Variants in SOX6 observed in about 807,000 individuals in gnomAD.
SOX6 encodes the protein SRY-box transcription factor 6.
In SOX6, 11 loss-of-function variants were observed where a neutral mutation model predicts 97.8. The ratio of observed to expected loss-of-function variants is 0.11; its 90% CI spans 0.07 to 0.19. The LOEUF is 0.19. Ranked by LOEUF, SOX6 falls within the 10% of genes least tolerant of loss-of-function variation. SOX6 has a pLI of 1.00. For synonymous variants in SOX6, 360 were observed against 371.4 expected (o/e 0.97, Z 0.35); for missense variants, 810 against 1,039.5 (o/e 0.78, Z 3.04).
intron 13 of SOX6, among the ~76,000 whole-genome samples, chr11:16,014,143 C>T (rs1011932669): frequency 6.6e-6 from 1 of 152,022 alleles, no homozygotes; most frequent in Non-Finnish European, 1.5e-5. Flanking sequence ...AACCAGGCAA[C>T]ATTACTACTG....
intron 6 of SOX6, among the ~76,000 whole-genome samples, chr11:16,112,486 T>C (rs777428406): frequency 1.3e-5 from 2 of 152,200 alleles, no homozygotes; most frequent in Non-Finnish European, 2.9e-5. Flanking sequence ...AAAGTAATAC[T>C]CTTTGCCATA....
chr11:16,123,469 G>A (rs959472847), intron 6 of SOX6, among the ~76,000 whole-genome samples: 1 of 151,986 alleles, frequency 6.6e-6, no homozygotes, highest in Non-Finnish European at 1.5e-5. Context: ...TGATTGGGGG[G>A]CAGGGAGATA....
intron 3 of SOX6, among the ~76,000 whole-genome samples, chr11:16,669,761 G>A (rs1315972074): frequency 6.6e-6 from 1 of 152,112 alleles, no homozygotes; most frequent in Non-Finnish European, 1.5e-5. Flanking sequence ...TGTTCTCCAT[G>A]CAGATCCCAG....
chr11:16,247,263 ATATT>A (rs1356849820), intron 3 of SOX6, among the ~76,000 whole-genome samples: 4 of 152,166 alleles, frequency 2.6e-5, no homozygotes, highest in Non-Finnish European at 4.4e-5. Context: ...TCGCTGAATA[ATATT>A]TATTGTGTAT....
intron 3 of SOX6, among the ~76,000 whole-genome samples, chr11:16,298,712 TA>T (rs1460719746): frequency 3.3e-5 from 5 of 152,274 alleles, no homozygotes; most frequent in African/African-American, 1.2e-4. Flanking sequence ...TAGTTTTACT[TA>T]TTTTTTTTTA....
At chr11:15,987,209 C>T (rs149076280) in intron 14 of SOX6, among the ~76,000 whole-genome samples, 46 of 152,154 alleles carry the variant, frequency 3.0e-4, no homozygotes, top group East Asian at 2.1e-3. Flanking sequence ...GTGAATAAAG[C>T]GGTAACAGCT....
intron 3 of SOX6, among the ~76,000 whole-genome samples, chr11:16,256,873 C>G (rs1362220079): frequency 6.6e-6 from 1 of 151,628 alleles, no homozygotes; most frequent in Non-Finnish European, 1.5e-5. Flanking sequence ...TTGCAAAATA[C>G]AAGGCTAATA....
At chr11:16,351,749 C>T (rs1856954315) in intron 1 of SOX6, among the ~76,000 whole-genome samples, 1 of 152,186 alleles carries the variant, frequency 6.6e-6, no homozygotes, top group East Asian at 1.9e-4. Context: ...CGATCTACCC[C>T]TCTTCTAAAC....
At position 16,536,503 on chromosome 11, in the gene SOX6, G is replaced by A. The variant is rs146463400; in HGVS notation, n.610-60115C>T. 3.1e-3 allele frequency among the ~76,000 whole-genome samples: 478 copies of A among 152,262 alleles called. 4 individuals carry two copies. Among genetic ancestry groups the A allele is most frequent in the African/African-American group, 0.011 (449 of 41,546 alleles). On this transcript the variant is annotated intron_variant and non_coding_transcript_variant, in intron 4 of 5. Transcript: ENST00000524520. The stretch of plus-strand genomic sequence containing the variant: ...GTGAGCTGAAGAAGGGCGGGGCATC[G>A]CCTCACCTGGGAAGCACAAGGGGTC...
chr11:16,297,460 G>A (rs1470572308), intron 3 of SOX6, among the ~76,000 whole-genome samples: 1 of 152,126 alleles, frequency 6.6e-6, no homozygotes, highest in Non-Finnish European at 1.5e-5. Flanking sequence ...ATGTCAAACT[G>A]GCAAAGTGCC....
chr11:16,549,488 G>A (rs1847658188), intron 4 of SOX6, among the ~76,000 whole-genome samples: 1 of 152,250 alleles, frequency 6.6e-6, no homozygotes, highest in Non-Finnish European at 1.5e-5. Context: ...TAGCACAATA[G>A]AGCCCATGCT....
At chr11:16,667,565 T>A (rs1445708202) in intron 3 of SOX6, among the ~76,000 whole-genome samples, 1 of 151,948 alleles carries the variant, frequency 6.6e-6, no homozygotes, top group Non-Finnish European at 1.5e-5. Context: ...AAAAAACTTT[T>A]ATCCTAGAAT....
chr11:16,011,454 A>C (rs1458158501), intron 13 of SOX6, among the ~76,000 whole-genome samples: 1 of 152,074 alleles, frequency 6.6e-6, no homozygotes, highest in Non-Finnish European at 1.5e-5. Flanking sequence ...TTAAAAATAA[A>C]ATTTTGAAGG....
intron 3 of SOX6, among the ~76,000 whole-genome samples, chr11:16,267,935 A>G (rs941532489): frequency 1.3e-5 from 2 of 151,624 alleles, no homozygotes; most frequent in Non-Finnish European, 3.0e-5. Context: ...TAAGTCAAAT[A>G]AGCCAAACAC....
intron 1 of SOX6, among the ~76,000 whole-genome samples, chr11:16,469,072 C>G (rs1359742195): frequency 7.2e-6 from 1 of 139,666 alleles, no homozygotes; most frequent in Non-Finnish European, 1.5e-5. Flanking sequence ...GAACTTGGTA[C>G]AGCGAAAAAA....
intron 10 of SOX6, among the ~76,000 whole-genome samples, chr11:16,054,686 C>T (rs1030710256): frequency 1.3e-5 from 2 of 152,064 alleles, no homozygotes; most frequent in African/African-American, 4.8e-5. Flanking sequence ...CAGCTGTTTC[C>T]CTTGTGAAGA....
chr11:16,374,051 A>G (rs1328775551), intron 1 of SOX6, among the ~76,000 whole-genome samples: 3 of 152,122 alleles, frequency 2.0e-5, no homozygotes, highest in Middle Eastern at 3.2e-3. Flanking sequence ...CAATACAGTT[A>G]CTACAGCTTC....
intron 4 of SOX6, among the ~76,000 whole-genome samples, chr11:16,500,137 G>A (rs1196214313): frequency 6.6e-6 from 1 of 152,170 alleles, no homozygotes; most frequent in Non-Finnish European, 1.5e-5. Flanking sequence ...TCATCCCTGG[G>A]ATGCAAGGCT....
chr11:16,020,851 T>C (rs1855037119), intron 12 of SOX6, among the ~76,000 whole-genome samples: 1 of 152,142 alleles, frequency 6.6e-6, no homozygotes, highest in African/African-American at 2.4e-5. Context: ...TTAGACCTTT[T>C]CTATATATCT....
Sources: allele counts gnomAD v4.1 joint callset (sites outside exome capture counted in the v4.1 genomes callset), GRCh38; gene constraint gnomAD v4.1.1; transcripts MANE v1.5; gene names NCBI Gene and HGNC (gene_info 2026-07-23, HGNC 2026-07-21).